Variants in ADAMTSL1 observed in about 807,000 individuals in gnomAD.
The protein encoded by ADAMTSL1 is ADAMTS like 1.
Under a neutral mutation model 201.8 loss-of-function variants are expected in ADAMTSL1, and 126 were observed. That is an observed-to-expected ratio of 0.62 (90% CI 0.54 to 0.72). ADAMTSL1 has a LOEUF of 0.72. Among genes scored for constraint, ADAMTSL1 ranks in the 30% least tolerant of loss-of-function variants. The pLI is 0.00. For synonymous variants in ADAMTSL1, 1,121 were observed against 903.4 expected (o/e 1.24, Z -4.32); for missense variants, 2,679 against 2,277.8 (o/e 1.18, Z -3.59).
chr9:18,163,679 T>C (rs968110894), intron 1 of ADAMTSL1, among the ~76,000 whole-genome samples: 1 of 151,988 alleles, frequency 6.6e-6, no homozygotes, highest in African/African-American at 2.4e-5. Context: ...CTGGTATCCA[T>C]TGGAGGAGCC....
chr9:18,565,137 T>C (rs925080044), intron 3 of ADAMTSL1, among the ~76,000 whole-genome samples: 1 of 152,212 alleles, frequency 6.6e-6, no homozygotes, highest in Non-Finnish European at 1.5e-5. Flanking sequence ...GAAGGTGGGA[T>C]TGATGATTCA....
chr9:18,851,926 G>T (rs1826520530), intron 23 of ADAMTSL1, among the ~76,000 whole-genome samples: 1 of 152,202 alleles, frequency 6.6e-6, no homozygotes, highest in Non-Finnish European at 1.5e-5. Flanking sequence ...ACCAGCTTCA[G>T]GTGTTTTCTC....
intron 2 of ADAMTSL1, among the ~76,000 whole-genome samples, chr9:18,228,928 T>G (rs1211615767): frequency 6.6e-6 from 1 of 151,816 alleles, no homozygotes; most frequent in Non-Finnish European, 1.5e-5. Flanking sequence ...AATTTCTTTC[T>G]CACTAAGCTT....
intron 1 of ADAMTSL1, among the ~76,000 whole-genome samples, chr9:17,972,073 C>T (rs940979111): frequency 6.6e-6 from 1 of 151,790 alleles, no homozygotes; most frequent in African/African-American, 2.4e-5. Context: ...CACTAATTAA[C>T]ATATTCATCA....
chr9:18,573,954 C>T, intron 3 of ADAMTSL1, 76 bp from the exon 4 acceptor site: 3 of 1,179,254 alleles, frequency 2.5e-6, no homozygotes, highest in South Asian at 2.7e-5. Context: ...CCTAAGCAGA[C>T]CATATAGCTG....
chr9:18,373,899 G>T (rs1028813930), intron 2 of ADAMTSL1, among the ~76,000 whole-genome samples: 2 of 152,104 alleles, frequency 1.3e-5, no homozygotes, highest in African/African-American at 4.8e-5. Flanking sequence ...TCCTACCACT[G>T]TCCCCAGCTC....
chr9:17,919,297 A>T (rs1826217802), intron 1 of ADAMTSL1, among the ~76,000 whole-genome samples: 1 of 151,946 alleles, frequency 6.6e-6, no homozygotes, highest in Non-Finnish European at 1.5e-5. Flanking sequence ...TATAATTCAC[A>T]AACAGTACAA....
chr9:18,465,667 G>T (rs543213554), intron 2 of ADAMTSL1, among the ~76,000 whole-genome samples: 2 of 152,306 alleles, frequency 1.3e-5, no homozygotes, highest in African/African-American at 4.8e-5. Context: ...GTCCTGGGTG[G>T]CCATGTATGT....
At chr9:18,829,189 G>C (rs190587312) in intron 22 of ADAMTSL1, among the ~76,000 whole-genome samples, 2 of 152,156 alleles carry the variant, frequency 1.3e-5, no homozygotes, top group Non-Finnish European at 2.9e-5. Flanking sequence ...GCATTAACTG[G>C]GAACTCTGAT....
At chr9:18,228,074 C>T (rs1017940893) in intron 2 of ADAMTSL1, among the ~76,000 whole-genome samples, 6 of 152,322 alleles carry the variant, frequency 3.9e-5, no homozygotes, top group South Asian at 4.1e-4. Flanking sequence ...CCAATAGCCA[C>T]GTTCCACCTA....
At chr9:18,636,160 C>T (rs1343411738) in intron 6 of ADAMTSL1, 143 bp downstream of exon 6, 1 of 686,310 alleles carries the variant, frequency 1.5e-6, no homozygotes, top group Non-Finnish European at 2.3e-6. Flanking sequence ...CTCTGTTTAT[C>T]TTTTAGCTGC....
At chr9:18,142,332 C>T (rs1034082420) in intron 1 of ADAMTSL1, among the ~76,000 whole-genome samples, 15 of 152,186 alleles carry the variant, frequency 9.9e-5, no homozygotes, top group African/African-American at 3.4e-4. Context: ...TTCTTGCTGT[C>T]TTTGTCTGTG....
intron 2 of ADAMTSL1, among the ~76,000 whole-genome samples, chr9:18,172,176 A>G (rs1351292294): frequency 6.6e-6 from 1 of 152,068 alleles, no homozygotes; most frequent in Non-Finnish European, 1.5e-5. Flanking sequence ...TACTTAATGT[A>G]GATGATGGGT....
intron 3 of ADAMTSL1, among the ~76,000 whole-genome samples, chr9:18,557,323 C>T (rs1250539025): frequency 1.3e-5 from 2 of 151,974 alleles, no homozygotes; most frequent in Non-Finnish European, 2.9e-5. Flanking sequence ...AGATGTCTTT[C>T]TCTTTCACCC....
At chr9:18,294,568 A>G (rs1437143263) in intron 2 of ADAMTSL1, among the ~76,000 whole-genome samples, 2 of 152,134 alleles carry the variant, frequency 1.3e-5, no homozygotes, top group Non-Finnish European at 2.9e-5. Context: ...CTAAGCTGGC[A>G]CTGCCTGGTG....
chr9:18,492,390 T>C (rs113208547), intron 1 of ADAMTSL1, among the ~76,000 whole-genome samples: 5,876 of 152,286 alleles, frequency 0.039, 236 homozygotes, highest in African/African-American at 0.11. Flanking sequence ...TAATAAAAAG[T>C]ACAGAGTATA....
At chr9:18,724,277 T>C (rs1587988790) in intron 15 of ADAMTSL1, among the ~76,000 whole-genome samples, 2 of 152,196 alleles carry the variant, frequency 1.3e-5, no homozygotes, top group South Asian at 4.1e-4. Flanking sequence ...TTTTCTTGTA[T>C]GTAGTCAGAA....
At chr9:18,902,045 G>A (rs1830044697) in intron 26 of ADAMTSL1, among the ~76,000 whole-genome samples, 1 of 151,982 alleles carries the variant, frequency 6.6e-6, no homozygotes, top group Non-Finnish European at 1.5e-5. Flanking sequence ...GTGATAAAAG[G>A]GTCAATATAC....
In ADAMTSL1 at chr9:18,569,472, C is replaced by G. The variant is rs906164854; in HGVS notation, c.238-4558C>G. Among the ~76,000 whole-genome samples the G allele has an allele frequency of 2.0e-5, 3 of 152,182 alleles. No individual in the cohort carries two copies. The East Asian group carries it at 5.8e-4, about 29-fold the overall frequency. On this transcript the variant is annotated intron_variant, in intron 3 of 28. Transcript: ENST00000380548. ...GAAGCCTTAGCCCAGTAACATGACA[C>G]AGAGCTGTCAAGCCACAGGTATATT...
Sources: allele counts gnomAD v4.1 joint callset (sites outside exome capture counted in the v4.1 genomes callset), GRCh38; gene constraint gnomAD v4.1.1; transcripts MANE v1.5; gene names NCBI Gene and HGNC (gene_info 2026-07-23, HGNC 2026-07-21).